DENND4A: variants seen among roughly 807,000 people sequenced by gnomAD.
The protein encoded by DENND4A is C-myc promoter-binding protein.
A neutral mutation model predicts 199.3 loss-of-function variants in DENND4A; 70 were observed. The ratio of observed to expected loss-of-function variants is 0.35; its 90% CI spans 0.29 to 0.43. DENND4A has a LOEUF of 0.43. Among genes scored for constraint, DENND4A ranks in the 20% least tolerant of loss-of-function variants. The pLI, the probability that DENND4A is intolerant of heterozygous loss-of-function variation, is 1.00. For synonymous variants in DENND4A, 686 were observed against 766.9 expected (o/e 0.89, Z 1.74); for missense variants, 1,723 against 2,255.8 (o/e 0.76, Z 4.78).
chr15:65,729,796 G>T, intron 9 of DENND4A, 118 bp from the exon 10 acceptor site: 2 of 912,894 alleles, frequency 2.2e-6, no homozygotes, highest in Admixed American at 3.1e-5. Flanking sequence ...TGTTGATTAG[G>T]GTACAATTTG....
At chr15:65,719,933 A>G (rs2075558562) in intron 12 of DENND4A, among the ~76,000 whole-genome samples, 1 of 152,150 alleles carries the variant, frequency 6.6e-6, no homozygotes, top group Admixed American at 6.5e-5. Context: ...TGTATTTATT[A>G]TGAGAATGCT....
chr15:65,684,425 G>C (rs1438769978), intron 23 of DENND4A, among the ~76,000 whole-genome samples: 1 of 152,150 alleles, frequency 6.6e-6, no homozygotes, highest in Non-Finnish European at 1.5e-5. Flanking sequence ...GTGTGAAATG[G>C]GATTTCACTG....
intron 1 of DENND4A, among the ~76,000 whole-genome samples, chr15:65,781,744 G>A (rs2077441236): frequency 6.6e-6 from 1 of 152,212 alleles, no homozygotes; most frequent in Admixed American, 6.5e-5. Flanking sequence ...GAAAGATACT[G>A]ATGCTGGAAA....
In DENND4A at chr15:65,752,424, T is replaced by C. The variant is rs377580606; in HGVS notation, c.516A>G (p.Pro172=). 4 of 1,612,006 alleles carry C rather than the reference T, an allele frequency of 2.5e-6. No individual in the cohort carries two copies. Among genetic ancestry groups the C allele is most frequent in the Non-Finnish European group, 3.4e-6 (4 of 1,178,946 alleles). The change falls in exon 4 of 33, where the codon CCA becomes CCG. Residue 172 remains proline, a synonymous_variant. Coordinates refer to ENST00000443035, the MANE Select transcript of DENND4A (RefSeq NM_001320835.1). ...CIIIPSKGES[P]PHTFCKVDKN... is the part of the protein sequence containing the mutation. Reference sequence around the variant, plus strand: ...TGTCGACTTTGCAGAACGTGTGTGGTGGGCTTTCTCCTTTACTGGGTATAA... The same window carrying C: ...TGTCGACTTTGCAGAACGTGTGTGGCGGGCTTTCTCCTTTACTGGGTATAA...
At chr15:65,778,642 T>C (rs1158363253) in intron 1 of DENND4A, among the ~76,000 whole-genome samples, 3 of 152,164 alleles carry the variant, frequency 2.0e-5, no homozygotes, top group Non-Finnish European at 4.4e-5. Flanking sequence ...CTCATGCCTG[T>C]AATCCCAGCA....
At chr15:65,670,577 G>A (rs1265671100) in intron 25 of DENND4A, among the ~76,000 whole-genome samples, 1 of 152,192 alleles carries the variant, frequency 6.6e-6, no homozygotes, top group Non-Finnish European at 1.5e-5. Context: ...GGATTGTGAT[G>A]AGATAAATAA....
At chr15:65,711,212 A>C (rs1311965801) in intron 14 of DENND4A, among the ~76,000 whole-genome samples, 1 of 152,220 alleles carries the variant, frequency 6.6e-6, no homozygotes, top group Admixed American at 6.5e-5. Context: ...TTCAAAATAA[A>C]CAGGTTTTCA....
rs529098401 is a variant in DENND4A, at chr15:65,691,221, C to G, written c.3373G>C (p.Asp1125His). 6.2e-7 allele frequency: 1 copy of G among 1,613,312 alleles called. No individual in the cohort carries two copies. Among genetic ancestry groups the G allele is most frequent in the African/African-American group, 1.3e-5 (1 of 75,028 alleles). The part of the protein sequence containing the change: ...ISKSTRPNTL[D>H]IGKPPLRSKR... ...GATCTTAAAGGTGGCTTCCCAATAT[C>G]AAGAGTATTTGGTCTCGTGCTTTTT... is the stretch of plus-strand genomic sequence containing the variant. Residue 1125 changes from aspartate (D) to histidine (H), a missense_variant, in exon 23 of 33, where the codon GAT (aspartate) becomes CAT (histidine). Around this residue, in one of 6 missense-constraint regions of DENND4A, gnomAD observed 650 missense variants for 738.1 expected, o/e 0.88. Coordinates refer to ENST00000443035, the MANE Select transcript of DENND4A (RefSeq NM_001320835.1).
chr15:65,702,975 T>C lies in DENND4A; in HGVS notation c.2121A>G (p.Leu707=). ...GTAGAAATCCTTCAGGTCTTTCAAA[T>C]AAATTGTTCCTAAGAACTGGAAATC... ...YNGFPVLRNN[L]FERPEGFLQA... Residue 707 remains leucine (L), a synonymous_variant, in exon 16 of 33, where the codon TTA becomes TTG. Coordinates refer to ENST00000443035, the MANE Select transcript of DENND4A (RefSeq NM_001320835.1). 1 of 1,612,984 alleles carries C rather than the reference T, an allele frequency of 6.2e-7. No individual in the cohort carries two copies. Among genetic ancestry groups the C allele is most frequent in the South Asian group, 1.1e-5 (1 of 91,034 alleles).
At chr15:65,757,103 C>T (rs2076723915) in intron 2 of DENND4A, among the ~76,000 whole-genome samples, 1 of 152,176 alleles carries the variant, frequency 6.6e-6, no homozygotes, top group African/African-American at 2.4e-5. Flanking sequence ...AAATCTTACA[C>T]AGACTTGTAA....
intron 23 of DENND4A, among the ~76,000 whole-genome samples, chr15:65,684,942 A>T (rs1339287012): frequency 6.7e-6 from 1 of 149,842 alleles, no homozygotes; most frequent in Non-Finnish European, 1.5e-5. Flanking sequence ...CTCCTACCTC[A>T]GCCTCCCAAG....
Position 65,661,740 on chromosome 15 carries a change from T to C in DENND4A, c.*111A>G. On this transcript the variant is annotated 3_prime_UTR_variant, in exon 33 of 33. Coordinates refer to ENST00000443035, the MANE Select transcript of DENND4A (RefSeq NM_001320835.1). Reference sequence around the variant, plus strand: ...TAAGCTGTCTGAGTCTTTTGAACCATTTACAAATTGTATTTTCAAAAATTG... The same window carrying C: ...TAAGCTGTCTGAGTCTTTTGAACCACTTACAAATTGTATTTTCAAAAATTG... 1 of 977,034 alleles carries C rather than the reference T, an allele frequency of 1.0e-6. No homozygotes were observed. Among genetic ancestry groups the C allele is most frequent in the South Asian group, 2.2e-5 (1 of 44,660 alleles). 60.5% of individuals were successfully genotyped at this position (977,034 alleles called of 1,614,324 possible).
In DENND4A at chr15:65,737,949, C is replaced by A. The variant is rs752108289; in HGVS notation, c.802-4G>T. 3 of 1,569,760 alleles carry A rather than the reference C, an allele frequency of 1.9e-6. No individual in the cohort carries two copies. The highest frequency in any genetic ancestry group is 2.6e-6 in the Non-Finnish European group (3 of 1,155,900). Reference sequence around the variant, plus strand: ...ACTGAATAGCAGCACCATAAACCTGCAAAACAAGTAATATATCCAGTAAAT... The same window carrying A: ...ACTGAATAGCAGCACCATAAACCTGAAAAACAAGTAATATATCCAGTAAAT... On this transcript the variant is annotated splice_region_variant and splice_polypyrimidine_tract_variant and intron_variant, in intron 6 of 32. Coordinates refer to ENST00000443035, the MANE Select transcript of DENND4A (RefSeq NM_001320835.1).
chr15:65,784,595 T>C (rs2077518114), intron 1 of DENND4A, among the ~76,000 whole-genome samples: 1 of 152,196 alleles, frequency 6.6e-6, no homozygotes, highest in Non-Finnish European at 1.5e-5. Flanking sequence ...CCTTAACCAA[T>C]CTGATTTTAG....
Position 65,660,312 on chromosome 15 carries a change from T to C in DENND4A, c.*1539A>G. On this transcript the variant is annotated 3_prime_UTR_variant, in exon 33 of 33. Transcript: ENST00000443035. ...GCTGTGAAATGTTTCAGCATGGTGC[T>C]ATTCACTAATGGTGTGAACTCAAAA... 2 of 1,535,008 alleles carry C rather than the reference T, an allele frequency of 1.3e-6. No homozygotes were observed. The highest frequency in any genetic ancestry group is 1.7e-6 in the Non-Finnish European group (2 of 1,146,302).
intron 15 of DENND4A, among the ~76,000 whole-genome samples, chr15:65,703,429 C>T (rs771317708): frequency 1.3e-5 from 2 of 152,160 alleles, no homozygotes; most frequent in Non-Finnish European, 2.9e-5. Flanking sequence ...AACATATTTA[C>T]TGTTGAACCT....
chr15:65,763,512 A>C (rs2076904065), intron 1 of DENND4A, among the ~76,000 whole-genome samples: 1 of 151,886 alleles, frequency 6.6e-6, no homozygotes, highest in Non-Finnish European at 1.5e-5. Flanking sequence ...CTGTCTCTAC[A>C]AAAAATACCA....
At chr15:65,684,390 T>C (rs1049042001) in intron 23 of DENND4A, among the ~76,000 whole-genome samples, 8 of 152,252 alleles carry the variant, frequency 5.3e-5, no homozygotes, top group Non-Finnish European at 1.2e-4. Context: ...CATCATCTTT[T>C]GGATTATAGC....
chr15:65,724,381 G>A (rs1301317143), intron 11 of DENND4A, among the ~76,000 whole-genome samples: 1 of 143,334 alleles, frequency 7.0e-6, no homozygotes, highest in Non-Finnish European at 1.5e-5. Context: ...TTTTTGAATC[G>A]TTTTTTTTTT....
Sources: gnomAD v4.1 joint callset for allele counts (sites outside exome capture counted in the v4.1 genomes callset) on GRCh38, gnomAD v4.1.1 for gene constraint, gnomAD v4.1.1 regional missense constraint, MANE v1.5 for transcripts, NCBI Gene and HGNC (gene_info 2026-07-23, HGNC 2026-07-21) for gene names.